The following PCBP3 variants were observed in gnomAD, a reference collection of about 807,000 sequenced individuals.
PCBP3 encodes poly(rC)-binding protein 3.
PCBP3 carries 25 observed loss-of-function variants against 52.7 expected under a neutral mutation model. The ratio of observed to expected loss-of-function variants is 0.47; its 90% confidence interval spans 0.35 to 0.66. The LOEUF (loss-of-function observed/expected upper bound fraction) is 0.66, where lower values mean the gene tolerates loss of function less well. Ranked by LOEUF, PCBP3 falls within the 30% of genes least tolerant of loss-of-function variation. The pLI is 0.01. For missense variants in PCBP3, 391 were observed against 490.3 expected (o/e 0.80, Z 1.91); for synonymous variants, 162 against 183.0 (o/e 0.89, Z 0.93).
At chr21:45,835,715 G>A (rs4819155) in intron 4 of PCBP3, among the ~76,000 whole-genome samples, 17,642 of 152,206 alleles carry the variant, frequency 0.12, 1,289 homozygotes, top group Middle Eastern at 0.27. Context: ...TGGCAGACTA[G>A]GCTGCATAGC....
rs1024109018 is a variant in PCBP3 at position 45,656,352 on chromosome 21, A to G, written c.-279+12484A>G. Among the ~76,000 whole-genome samples the G allele has an allele frequency of 5.9e-5, 9 of 152,260 alleles. No homozygotes were observed. The highest frequency in any genetic ancestry group is 5.9e-4 in the Admixed American group (9 of 15,286). Reference sequence around the variant, plus strand: ...GTTCATATCCTTTGCAGGGACATGGATGAAGCTGGAAACCATCATTCTCAG... The same window carrying G: ...GTTCATATCCTTTGCAGGGACATGGGTGAAGCTGGAAACCATCATTCTCAG... On this transcript the variant is annotated intron_variant, in intron 1 of 17. Transcript: ENST00000681687. The surrounding 1 kb of genome is among the most constrained non-coding windows in gnomAD (Gnocchi z 4.3).
intron 15 of PCBP3, among the ~76,000 whole-genome samples, chr21:45,931,428 C>T (rs756609455): frequency 2.6e-5 from 4 of 152,234 alleles, no homozygotes; most frequent in Non-Finnish European, 5.9e-5. Context: ...CTCCCCTCAC[C>T]AAGGCCCTGA....
At position 45,821,075 on chromosome 21, in the gene PCBP3, G is replaced by A. The variant is rs371123801; in HGVS notation, c.-125-28886G>A. Among the ~76,000 whole-genome samples, 10 of 152,354 alleles carry A rather than the reference G, an allele frequency of 6.6e-5. 1 individual carries two copies. In the South Asian group the frequency reaches 1.0e-3, roughly 16 times the overall value. On this transcript the variant is annotated intron_variant, in intron 4 of 17. Transcript: ENST00000681687. The surrounding 1 kb of genome is among the most constrained non-coding windows in gnomAD (Gnocchi z 4.4). ...GTCTTGCAGAGCCAGCGAGCCTGGC[G>A]TTGTGACCTGGGCTAACTTGGTACC...
chr21:45,726,542 GC>G (rs754118319), intron 2 of PCBP3, among the ~76,000 whole-genome samples: 73 of 152,246 alleles, frequency 4.8e-4, no homozygotes, highest in Non-Finnish European at 7.5e-4. Flanking sequence ...CTGCTCACAT[GC>G]CCCATCCCTG....
At chr21:45,726,301 G>T (rs1432464543) in intron 2 of PCBP3, among the ~76,000 whole-genome samples, 1 of 152,106 alleles carries the variant, frequency 6.6e-6, no homozygotes, top group African/African-American at 2.4e-5. Flanking sequence ...GGGGCAAGGA[G>T]ATTAATTTAG....
chr21:45,758,541 A>G (rs2088297072), intron 4 of PCBP3, among the ~76,000 whole-genome samples: 1 of 152,054 alleles, frequency 6.6e-6, no homozygotes, highest in African/African-American at 2.4e-5. Flanking sequence ...ACTTATTCTA[A>G]GTATTTTTTG....
chr21:45,917,858 T>A lies in PCBP3; in HGVS notation c.717+229T>A. 1.8e-6 allele frequency: 1 copy of A among 569,496 alleles called. No individual in the cohort carries two copies. The highest frequency in any genetic ancestry group is 3.3e-6 in the Non-Finnish European group (1 of 306,660). 35.3% of individuals were successfully genotyped at this position (569,496 alleles called of 1,614,324 possible). The stretch of plus-strand genomic sequence containing the variant: ...GCCTGATGTCAAATTGTCTCAATTC[T>A]GCCGCAGTCCTGGGTTTTCCTCCCT... On this transcript the variant is annotated intron_variant, in intron 13 of 17. Transcript: ENST00000681687. The surrounding 1 kb of genome is among the most constrained non-coding windows in gnomAD (Gnocchi z 5.3).
At chr21:45,733,645 G>A (rs1321634616) in intron 2 of PCBP3, among the ~76,000 whole-genome samples, 2 of 152,020 alleles carry the variant, frequency 1.3e-5, no homozygotes, top group Admixed American at 6.5e-5. Context: ...CTGTCACCCA[G>A]GCTGCAGTGC....
intron 6 of PCBP3, 113 bp downstream of exon 6, chr21:45,896,475 C>G (rs1211902161): frequency 1.0e-6 from 1 of 993,994 alleles, no homozygotes; most frequent in African/African-American, 1.8e-5. Flanking sequence ...CACATAGAAC[C>G]GGAGATGCAC....
intron 4 of PCBP3, among the ~76,000 whole-genome samples, chr21:45,847,423 G>T (rs2093839465): frequency 6.6e-6 from 1 of 152,144 alleles, no homozygotes; most frequent in Admixed American, 6.5e-5. Context: ...CTTTTAGTCT[G>T]TGCTCAACAG....
intron 5 of PCBP3, among the ~76,000 whole-genome samples, chr21:45,891,853 G>A (rs1451540328): frequency 1.3e-5 from 2 of 152,180 alleles, no homozygotes; most frequent in Non-Finnish European, 2.9e-5. Context: ...GCACAGCCCC[G>A]GGGCCTCTGC....
chr21:45,929,148 G>C (rs2075852420), intron 13 of PCBP3, among the ~76,000 whole-genome samples: 1 of 152,186 alleles, frequency 6.6e-6, no homozygotes, highest in South Asian at 2.1e-4. Context: ...CTTTAAAAAT[G>C]GCATCAAAGC....
At chr21:45,768,639 C>T (rs1468665457) in intron 4 of PCBP3, among the ~76,000 whole-genome samples, 2 of 152,228 alleles carry the variant, frequency 1.3e-5, no homozygotes, top group Non-Finnish European at 2.9e-5. Flanking sequence ...GCAAAGGAAA[C>T]ACTGAAGAGG....
intron 4 of PCBP3, among the ~76,000 whole-genome samples, chr21:45,769,935 G>A (rs118189242): frequency 1.3e-5 from 2 of 152,390 alleles, no homozygotes; most frequent in Non-Finnish European, 2.9e-5. Flanking sequence ...TCTGTGGGAA[G>A]ACAAAATGGA....
intron 2 of PCBP3, among the ~76,000 whole-genome samples, chr21:45,691,412 TTA>T (rs1253786556): frequency 2.1e-5 from 3 of 142,884 alleles, no homozygotes; most frequent in African/African-American, 5.2e-5. Flanking sequence ...CATATATATA[TTA>T]TATATATATA....
At chr21:45,840,718 A>T (rs990364592) in intron 4 of PCBP3, among the ~76,000 whole-genome samples, 7 of 151,996 alleles carry the variant, frequency 4.6e-5, no homozygotes, top group African/African-American at 1.7e-4. Context: ...TGACCTCCTG[A>T]GCTCAAGTGG....
rs551332365 is a variant in PCBP3, at chr21:45,745,456, G to C, written c.-161-9961G>C. On this transcript the variant is annotated intron_variant, in intron 3 of 17. Coordinates refer to ENST00000681687, the MANE Select transcript of PCBP3 (RefSeq NM_001384156.1). Reference sequence around the variant, plus strand: ...GGACTCTGGGTGGCCTGCCATTCTCGATGTGTGGTTTCTGTCTCTTGCTAT... The same window carrying C: ...GGACTCTGGGTGGCCTGCCATTCTCCATGTGTGGTTTCTGTCTCTTGCTAT... Among the ~76,000 whole-genome samples, 55 of 152,290 alleles carry C rather than the reference G, an allele frequency of 3.6e-4. 1 individual carries two copies. Among genetic ancestry groups the C allele is most frequent in the African/African-American group, 1.3e-3 (54 of 41,560 alleles).
chr21:45,941,925 A>G lies in PCBP3; in HGVS notation c.*219A>G. ...CCGAGTCCCCCCTCAGTGTTATTTT[A>G]TTTATGACTTACGCTCCCGTCTGCC... is the stretch of plus-strand genomic sequence containing the variant. On this transcript the variant is annotated 3_prime_UTR_variant, in exon 18 of 18. Transcript: ENST00000681687. 1 of 426,362 alleles carries G rather than the reference A, an allele frequency of 2.3e-6. No individual in the cohort carries two copies. Among genetic ancestry groups the G allele is most frequent in the Non-Finnish European group, 4.1e-6 (1 of 242,374 alleles). 26.4% of individuals were successfully genotyped at this position (426,362 alleles called of 1,614,324 possible).
intron 2 of PCBP3, among the ~76,000 whole-genome samples, chr21:45,693,229 C>T (rs1331721458): frequency 6.6e-6 from 1 of 152,116 alleles, no homozygotes; most frequent in Non-Finnish European, 1.5e-5. Flanking sequence ...ACCAACAAGG[C>T]AAGGATGTCT....
Sources: allele counts gnomAD v4.1 joint callset (sites outside exome capture counted in the v4.1 genomes callset), GRCh38; gene constraint gnomAD v4.1.1; non-coding constraint Gnocchi (gnomAD v3.1); transcripts MANE v1.5; gene names NCBI Gene and HGNC (gene_info 2026-07-23, HGNC 2026-07-21).